Variants in CEMIP2 observed in about 807,000 individuals in gnomAD.
The protein encoded by CEMIP2 is cell migration inducing hyaluronidase 2.
A neutral mutation model predicts 146.9 loss-of-function variants in CEMIP2; 79 were observed. That is an observed-to-expected ratio of 0.54 (90% CI 0.45 to 0.65). The LOEUF (loss-of-function observed/expected upper bound fraction) is 0.65, where lower values mean the gene tolerates loss of function less well. Ranked by LOEUF, CEMIP2 falls within the 30% of genes least tolerant of loss-of-function variation. CEMIP2 has a pLI of 0.00. For missense variants in CEMIP2, 1,596 were observed against 1,696.2 expected (o/e 0.94, Z 1.04); for synonymous variants, 601 against 606.3 (o/e 0.99, Z 0.13).
intron 19 of CEMIP2, among the ~76,000 whole-genome samples, chr9:71,698,858 C>T (rs1374754800): frequency 2.0e-5 from 3 of 152,048 alleles, no homozygotes; most frequent in African/African-American, 4.8e-5. Context: ...TATCAGCAAA[C>T]CCAGTCCTTC....
chr9:71,705,788 T>C (rs1822716810), intron 17 of CEMIP2, among the ~76,000 whole-genome samples: 1 of 150,814 alleles, frequency 6.6e-6, no homozygotes, highest in African/African-American at 2.4e-5. Flanking sequence ...TATATTTACA[T>C]GTACATTTAT....
chr9:71,718,164 G>C, intron 12 of CEMIP2, 85 bp from the exon 13 acceptor site: 1 of 1,257,276 alleles, frequency 8.0e-7, no homozygotes, highest in Non-Finnish European at 1.1e-6. Flanking sequence ...TCAAGAAGCA[G>C]AATTTAAATT....
intron 16 of CEMIP2, among the ~76,000 whole-genome samples, chr9:71,709,808 G>A (rs73647007): frequency 0.018 from 2,738 of 152,310 alleles, 84 homozygotes; most frequent in African/African-American, 0.061. Context: ...AAGCAGAAGA[G>A]TTGTGGGAAG....
intron 22 of CEMIP2, 99 bp downstream of exon 22, chr9:71,689,993 C>T: frequency 6.9e-7 from 1 of 1,451,428 alleles, no homozygotes; most frequent in Non-Finnish European, 9.4e-7. Context: ...CCCTGAATGT[C>T]CAGAGAGTAA....
chr9:71,728,193 TTCTCTCTCTCTCTCTC>T (rs369654117), intron 10 of CEMIP2, among the ~76,000 whole-genome samples: 13 of 29,612 alleles, frequency 4.4e-4, no homozygotes, highest in East Asian at 1.2e-3. Context: ...CAGCGAAACC[TTCTCTCTCTCTCTCTC>T]TCTCTCTCTC....
At position 71,750,049 on chromosome 9, in the gene CEMIP2, G is replaced by T. The variant is rs772138005; in HGVS notation, c.325C>A (p.Pro109Thr). Residue 109 changes from proline to threonine, a missense_variant, in exon 2 of 24, where the codon CCA becomes ACA. Pro to Thr is a conservative substitution (Grantham distance 38). Transcript: ENST00000377044. ...IILGISSKYA[P>T]DENCPDQNPR... ...TGCATATACACACACTTACCATCTG[G>T]AGCATATTTTGAGGATATTCCTAAA... 1 of 1,598,100 alleles carries T rather than the reference G, an allele frequency of 6.3e-7. No homozygotes were observed. The highest frequency in any genetic ancestry group is 1.1e-5 in the South Asian group (1 of 87,716).
chr9:71,705,065 C>G (rs1822695325), intron 17 of CEMIP2: 1 of 407,768 alleles, frequency 2.5e-6, no homozygotes, highest in Non-Finnish European at 4.5e-6. Context: ...GCTTATTCAT[C>G]AGAATATAAA....
rs866511766 is a variant in CEMIP2, at chr9:71,728,287, A to G, written c.2049+1558T>C. On this transcript the variant is annotated intron_variant, in intron 10 of 23. Coordinates refer to ENST00000377044, the MANE Select transcript of CEMIP2 (RefSeq NM_013390.3). ...TATATATATATATATATATGTATAT[A>G]TATATATATATATACATATATATAT... Among the ~76,000 whole-genome samples the G allele has an allele frequency of 5.0e-3, 109 of 21,662 alleles. 17 individuals are homozygous for G. Among genetic ancestry groups the G allele is most frequent in the African/African-American group, 0.014 (99 of 7,028 alleles). The allele number at this position is 21,662 out of a possible 152,430, so 14.2% of individuals were successfully genotyped here. A position where few individuals can be genotyped will look rare whatever the true frequency, so the allele number is the denominator to read the frequency against.
chr9:71,723,039 G>C (rs1268475916), intron 11 of CEMIP2, among the ~76,000 whole-genome samples: 4 of 151,422 alleles, frequency 2.6e-5, no homozygotes, highest in African/African-American at 9.7e-5. Flanking sequence ...GTGCAGGGGA[G>C]GAGGTGGGAG....
Position 71,684,855 on chromosome 9 carries a change from C to T in CEMIP2, c.*342G>A, listed in dbSNP as rs183915012. 8.2e-4 allele frequency: 167 copies of T among 202,564 alleles called. No individual in the cohort carries two copies. The Middle Eastern group carries it at 0.01, about 13-fold the overall frequency. 12.5% of individuals were successfully genotyped at this position (202,564 alleles called of 1,614,324 possible). ...TAGCTGGTCCTCTAAAGACCTCAGGCTGACTCTCAGAAGCCCCCACTCCAC... is the reference window on the plus strand; with the variant it reads ...TAGCTGGTCCTCTAAAGACCTCAGGTTGACTCTCAGAAGCCCCCACTCCAC... On this transcript the variant is annotated 3_prime_UTR_variant, in exon 24 of 24. Coordinates refer to ENST00000377044, the MANE Select transcript of CEMIP2 (RefSeq NM_013390.3).
intron 16 of CEMIP2, among the ~76,000 whole-genome samples, chr9:71,711,395 TA>T (rs34605983): frequency 0.062 from 9,119 of 146,186 alleles, 929 homozygotes; most frequent in African/African-American, 0.21. Flanking sequence ...CTTTCTCTAT[TA>T]AAAAAAAAAA....
intron 5 of CEMIP2, among the ~76,000 whole-genome samples, chr9:71,737,741 T>C (rs1195008482): frequency 6.6e-6 from 1 of 152,192 alleles, no homozygotes; most frequent in African/African-American, 2.4e-5. Flanking sequence ...TGATCTACCC[T>C]GCTTTTCTAT....
At chr9:71,685,425 A>G (rs769053185) in intron 23 of CEMIP2, 32 bp from the exon 24 acceptor site, 1 of 1,463,910 alleles carries the variant, frequency 6.8e-7, no homozygotes, top group Non-Finnish European at 9.0e-7. Context: ...AAAAAGAAAA[A>G]AAATCAATTT....
intron 1 of CEMIP2, among the ~76,000 whole-genome samples, chr9:71,755,151 A>AC (rs1824387265): frequency 6.9e-6 from 1 of 145,642 alleles, no homozygotes; most frequent in Non-Finnish European, 1.5e-5. Context: ...GAAAGCAATT[A>AC]TTTTGAGATT....
In CEMIP2 at chr9:71,732,529, T is replaced by C. The variant is rs567746520; in HGVS notation, c.1394-9A>G. 91 of 1,577,320 alleles carry C rather than the reference T, an allele frequency of 5.8e-5. No homozygotes were observed. In the East Asian group the frequency reaches 1.9e-3, roughly 33 times the overall value. On this transcript the variant is annotated splice_polypyrimidine_tract_variant and intron_variant, in intron 6 of 23. Transcript: ENST00000377044. ...CAGGAACTGAGGGGTTTCTGGTTGATATGAGCAAGGAAAAAAAAGAATATT... is the reference window on the plus strand; with the variant it reads ...CAGGAACTGAGGGGTTTCTGGTTGACATGAGCAAGGAAAAAAAAGAATATT...
At chr9:71,694,369 C>T (rs1822329326) in intron 21 of CEMIP2, 140 bp downstream of exon 21, 1 of 601,664 alleles carries the variant, frequency 1.7e-6, no homozygotes, top group Non-Finnish European at 3.0e-6. Context: ...ATGATCTGCC[C>T]ACCTTGGCCT....
chr9:71,731,300 GT>G (rs1392831691), intron 7 of CEMIP2, among the ~76,000 whole-genome samples: 1 of 152,148 alleles, frequency 6.6e-6, no homozygotes, highest in Non-Finnish European at 1.5e-5. Context: ...CAGTGTTTTA[GT>G]TAGCACATAA....
intron 19 of CEMIP2, among the ~76,000 whole-genome samples, chr9:71,698,565 A>G (rs926460857): frequency 1.1e-4 from 17 of 151,560 alleles, no homozygotes; most frequent in Non-Finnish European, 7.4e-5. Context: ...TTGGTAAATT[A>G]GTGTGGTTCA....
intron 1 of CEMIP2, among the ~76,000 whole-genome samples, chr9:71,752,466 A>G (rs1824281816): frequency 1.1e-5 from 1 of 88,520 alleles, no homozygotes; most frequent in Admixed American, 1.2e-4. Flanking sequence ...AAGAGGAAGG[A>G]AGGAAGGAAG....
Sources: allele counts gnomAD v4.1 joint callset (sites outside exome capture counted in the v4.1 genomes callset), GRCh38; gene constraint gnomAD v4.1.1; transcripts MANE v1.5; gene names NCBI Gene and HGNC (gene_info 2026-07-23, HGNC 2026-07-21).